The following WDFY2 variants were observed in gnomAD, a reference collection of about 807,000 sequenced individuals.
The protein encoded by WDFY2 is WD repeat and FYVE domain-containing protein 2.
A neutral mutation model predicts 56.4 loss-of-function variants in WDFY2; 36 were observed. That is an observed-to-expected ratio of 0.64 (90% CI 0.49 to 0.84). WDFY2 has a LOEUF of 0.84. WDFY2 is among the 40% of genes least tolerant of loss of function. The pLI is 0.00. For synonymous variants in WDFY2, 176 were observed against 183.7 expected (o/e 0.96, Z 0.34); for missense variants, 444 against 512.2 (o/e 0.87, Z 1.29).
chr13:51,653,542 T>G (rs1955447109), intron 1 of WDFY2, among the ~76,000 whole-genome samples: 1 of 152,214 alleles, frequency 6.6e-6, no homozygotes. Flanking sequence ...TTTGTCTACC[T>G]TTGTTCTTTG....
rs1374408290 is a variant in WDFY2, at chr13:51,762,738, A to C, written c.*2969A>C. 2 of 152,162 alleles carry C rather than the reference A, an allele frequency of 1.3e-5. No homozygotes were observed. The highest frequency in any genetic ancestry group is 2.4e-5 in the African/African-American group (1 of 41,432). 9.4% of individuals were successfully genotyped at this position (152,162 alleles called of 1,614,324 possible). A position where few individuals can be genotyped will look rare whatever the true frequency, so the allele number is the denominator to read the frequency against. Reference sequence around the variant, plus strand: ...TTACCCTGTTGGATTTGCACTTTACATATATTTTTGCTCTATTACTTAAAC... The same window carrying C: ...TTACCCTGTTGGATTTGCACTTTACCTATATTTTTGCTCTATTACTTAAAC... On this transcript the variant is annotated 3_prime_UTR_variant, in exon 12 of 12. Transcript: ENST00000298125.
chr13:51,722,770 T>G (rs1363945558), intron 5 of WDFY2, among the ~76,000 whole-genome samples: 2 of 152,224 alleles, frequency 1.3e-5, no homozygotes, highest in Non-Finnish European at 2.9e-5. Context: ...TACAGCAGAA[T>G]GGGGTTATTT....
At chr13:51,619,259 C>T (rs1954681603) in intron 1 of WDFY2, among the ~76,000 whole-genome samples, 1 of 152,108 alleles carries the variant, frequency 6.6e-6, no homozygotes, top group South Asian at 2.1e-4. Context: ...TTGAGACCAG[C>T]TTGGGCAACA....
intron 6 of WDFY2, among the ~76,000 whole-genome samples, chr13:51,737,782 G>A (rs1380190439): frequency 6.6e-6 from 1 of 152,140 alleles, no homozygotes; most frequent in East Asian, 1.9e-4. Flanking sequence ...TTGCTGTTGT[G>A]GGGAATGTTG....
intron 2 of WDFY2, among the ~76,000 whole-genome samples, chr13:51,666,854 G>A (rs1215429893): frequency 6.6e-6 from 1 of 152,104 alleles, no homozygotes; most frequent in African/African-American, 2.4e-5. Context: ...TCTTAGTTAA[G>A]ATATCTATGG....
intron 2 of WDFY2, among the ~76,000 whole-genome samples, chr13:51,666,007 T>G (rs962536879): frequency 3.9e-5 from 6 of 152,124 alleles, no homozygotes; most frequent in African/African-American, 1.4e-4. Flanking sequence ...CAGTCTGAAG[T>G]GTGGTTGGGC....
chr13:51,695,448 T>C (rs1593422833), intron 3 of WDFY2, among the ~76,000 whole-genome samples: 1 of 152,208 alleles, frequency 6.6e-6, no homozygotes, highest in African/African-American at 2.4e-5. Flanking sequence ...AGAGGTCCAC[T>C]CCAGACCCTG....
intron 1 of WDFY2, among the ~76,000 whole-genome samples, chr13:51,653,792 C>T (rs1031427385): frequency 2.0e-5 from 3 of 151,836 alleles, no homozygotes; most frequent in African/African-American, 4.8e-5. Flanking sequence ...AGTACCTGGC[C>T]GTGTGAGGTG....
At chr13:51,591,462 C>CT (rs898156753) in intron 1 of WDFY2, 1 of 152,142 alleles carries the variant, frequency 6.6e-6, no homozygotes, top group African/African-American at 2.4e-5. Context: ...AAGTCAGGGC[C>CT]TGGGTTATCT....
At chr13:51,665,129 A>G (rs1676262200) in intron 2 of WDFY2, among the ~76,000 whole-genome samples, 1 of 151,920 alleles carries the variant, frequency 6.6e-6, no homozygotes, top group Non-Finnish European at 1.5e-5. Context: ...TTCATTTTAA[A>G]CCCTACTCTC....
At chr13:51,610,795 G>A (rs887341547) in intron 1 of WDFY2, among the ~76,000 whole-genome samples, 4 of 152,098 alleles carry the variant, frequency 2.6e-5, no homozygotes, top group Admixed American at 6.6e-5. Context: ...AGATATTGCC[G>A]CTATTTTAGT....
intron 1 of WDFY2, among the ~76,000 whole-genome samples, chr13:51,652,247 C>T (rs1955405503): frequency 6.6e-6 from 1 of 151,956 alleles, no homozygotes; most frequent in Non-Finnish European, 1.5e-5. Flanking sequence ...TTTTGTTTTC[C>T]ATTTGCTTGG....
At chr13:51,717,361 C>T (rs1479314998) in intron 4 of WDFY2, among the ~76,000 whole-genome samples, 1 of 152,070 alleles carries the variant, frequency 6.6e-6, no homozygotes, top group African/African-American at 2.4e-5. Flanking sequence ...CCAACTTTGA[C>T]ATCAGGGAGA....
chr13:51,646,951 A>T (rs1357545135), intron 1 of WDFY2, among the ~76,000 whole-genome samples: 1 of 152,148 alleles, frequency 6.6e-6, no homozygotes, highest in Non-Finnish European at 1.5e-5. Flanking sequence ...AGTGGGGAGG[A>T]AGGATGGTTG....
intron 8 of WDFY2, 41 bp downstream of exon 8, chr13:51,751,456 G>A: frequency 6.4e-7 from 1 of 1,553,576 alleles, no homozygotes; most frequent in African/African-American, 1.4e-5. Context: ...TGTGGTTCTG[G>A]CCCTGCCTCC....
chr13:51,618,219 G>A (rs1454866913), intron 1 of WDFY2, among the ~76,000 whole-genome samples: 1 of 152,234 alleles, frequency 6.6e-6, no homozygotes, highest in Non-Finnish European at 1.5e-5. Flanking sequence ...ACAGGAGAGA[G>A]AATTTGTATT....
intron 2 of WDFY2, among the ~76,000 whole-genome samples, chr13:51,667,795 A>G (rs899324361): frequency 1.3e-5 from 2 of 148,166 alleles, no homozygotes; most frequent in Non-Finnish European, 3.0e-5. Flanking sequence ...TGTTGTTTTT[A>G]CTATTCATAT....
intron 2 of WDFY2, among the ~76,000 whole-genome samples, chr13:51,667,692 C>CA (rs1004976618): frequency 6.6e-6 from 1 of 151,654 alleles, no homozygotes; most frequent in Non-Finnish European, 1.5e-5. Context: ...TACCTTACTT[C>CA]AAAAAAACCT....
At chr13:51,610,276 C>G (rs1954473952) in intron 1 of WDFY2, among the ~76,000 whole-genome samples, 1 of 147,310 alleles carries the variant, frequency 6.8e-6, no homozygotes, top group Admixed American at 6.8e-5. Flanking sequence ...AGCCCACCAT[C>G]TATCCCTTTT....
Sources: allele counts gnomAD v4.1 joint callset (sites outside exome capture counted in the v4.1 genomes callset), GRCh38; gene constraint gnomAD v4.1.1; transcripts MANE v1.5; gene names NCBI Gene and HGNC (gene_info 2026-07-23, HGNC 2026-07-21).